The following FARS2 variants were observed in gnomAD, a reference collection of about 807,000 sequenced individuals.
The protein encoded by FARS2 is phenylalanine--tRNA ligase, mitochondrial.
Under a neutral mutation model 46.4 loss-of-function variants are expected in FARS2, and 40 were observed. The observed-to-expected ratio is 0.86, with a 90% CI of 0.67 to 1.12. The LOEUF is 1.12. FARS2 is among the 50% of genes most tolerant of loss of function. FARS2 has a pLI of 0.00. For missense variants in FARS2, 513 were observed against 567.9 expected (o/e 0.90, Z 0.98); for synonymous variants, 234 against 214.9 (o/e 1.09, Z -0.78).
At chr6:5,274,922 G>C (rs1766230158) in intron 1 of FARS2, among the ~76,000 whole-genome samples, 1 of 152,120 alleles carries the variant, frequency 6.6e-6, no homozygotes, top group African/African-American at 2.4e-5. Context: ...TTGCTCTGTT[G>C]CCCAGGCTAG....
intron 5 of FARS2, among the ~76,000 whole-genome samples, chr6:5,596,597 G>A (rs1194649866): frequency 2.0e-5 from 3 of 152,274 alleles, no homozygotes; most frequent in East Asian, 1.9e-4. Flanking sequence ...TAGCCTCAGC[G>A]ACATTGCATA....
intron 4 of FARS2, among the ~76,000 whole-genome samples, chr6:5,499,977 G>A (rs749702791): frequency 6.6e-6 from 1 of 152,112 alleles, no homozygotes; most frequent in African/African-American, 2.4e-5. Context: ...AATACAAGGG[G>A]CATCTGAAAT....
At chr6:5,678,458 G>T (rs979247779) in intron 6 of FARS2, among the ~76,000 whole-genome samples, 3 of 152,282 alleles carry the variant, frequency 2.0e-5, no homozygotes, top group African/African-American at 7.2e-5. Context: ...AGCCCCTCAG[G>T]CCATGGCTTC....
chr6:5,344,090 CAG>C (rs1453767513), intron 1 of FARS2, among the ~76,000 whole-genome samples: 3 of 152,176 alleles, frequency 2.0e-5, no homozygotes, highest in Admixed American at 2.0e-4. Flanking sequence ...CCGAACGACA[CAG>C]AAGTCACTGC....
Position 5,630,580 on chromosome 6 carries a change from G to T in FARS2, c.1217+17260G>T, listed in dbSNP as rs530612399. On this transcript the variant is annotated intron_variant, in intron 6 of 6. Coordinates refer to ENST00000274680, the MANE Select transcript of FARS2 (RefSeq NM_006567.5). This position sits in a 1 kb window ranked among gnomAD's most constrained non-coding sequence, Gnocchi z 4.2. ...CTTCATACTTATGTGTCTGGTAATA[G>T]GCATTTGAAATAATACTGCAGGGAA... 6.6e-6 allele frequency among the ~76,000 whole-genome samples: 1 copy of T among 152,194 alleles called. No homozygotes were observed. The highest frequency in any genetic ancestry group is 1.5e-5 in the Non-Finnish European group (1 of 68,042).
chr6:5,318,733 A>G (rs1300883264), intron 1 of FARS2, among the ~76,000 whole-genome samples: 1 of 152,158 alleles, frequency 6.6e-6, no homozygotes, highest in Admixed American at 6.5e-5. Flanking sequence ...CACTCTATGC[A>G]AATGAAGTAG....
intron 1 of FARS2, among the ~76,000 whole-genome samples, chr6:5,268,439 A>G (rs753924041): frequency 6.6e-5 from 10 of 152,212 alleles, no homozygotes; most frequent in Non-Finnish European, 1.2e-4. Context: ...CAGTTTTCCC[A>G]GCACCATTTA....
intron 2 of FARS2, among the ~76,000 whole-genome samples, chr6:5,372,568 A>G (rs968143036): frequency 4.6e-5 from 7 of 152,194 alleles, no homozygotes; most frequent in African/African-American, 1.7e-4. Flanking sequence ...AAGCAATAAG[A>G]AAGTATAATA....
intron 6 of FARS2, among the ~76,000 whole-genome samples, chr6:5,710,547 C>T (rs1311537220): frequency 2.0e-5 from 3 of 152,098 alleles, no homozygotes; most frequent in Non-Finnish European, 4.4e-5. Flanking sequence ...CCTGCGGCTT[C>T]CCCCGCTCAC....
intron 4 of FARS2, among the ~76,000 whole-genome samples, chr6:5,463,084 G>A (rs1388950490): frequency 4.6e-5 from 7 of 152,178 alleles, no homozygotes; most frequent in South Asian, 2.1e-4. Context: ...AACTATTTAC[G>A]AAAGCTGGAG....
intron 1 of FARS2, among the ~76,000 whole-genome samples, chr6:5,295,003 C>T (rs1371373508): frequency 6.6e-6 from 1 of 152,126 alleles, no homozygotes; most frequent in Non-Finnish European, 1.5e-5. Flanking sequence ...CCTAAAACAC[C>T]CAACATGGCC....
chr6:5,437,640 T>G (rs2127780912), intron 4 of FARS2, among the ~76,000 whole-genome samples: 1 of 152,192 alleles, frequency 6.6e-6, no homozygotes, highest in East Asian at 1.9e-4. Context: ...TCTGTTTCAT[T>G]TATATTACAA....
intron 2 of FARS2, among the ~76,000 whole-genome samples, chr6:5,372,752 C>T (rs1345332780): frequency 6.6e-6 from 1 of 151,954 alleles, no homozygotes; most frequent in Admixed American, 6.6e-5. Context: ...CTTGGTATTC[C>T]CCACCTAAGC....
intron 6 of FARS2, among the ~76,000 whole-genome samples, chr6:5,625,388 C>A (rs959067213): frequency 3.9e-5 from 6 of 152,280 alleles, no homozygotes; most frequent in Admixed American, 1.3e-4. Context: ...AGGCAGCTCC[C>A]ATGTCTCTTG....
chr6:5,559,958 C>T (rs1167764633), intron 5 of FARS2, among the ~76,000 whole-genome samples: 3 of 152,028 alleles, frequency 2.0e-5, no homozygotes, highest in Admixed American at 6.6e-5. Flanking sequence ...TGAAACTTGA[C>T]CCCATATTTA....
At chr6:5,280,492 TA>T (rs1766644610) in intron 1 of FARS2, among the ~76,000 whole-genome samples, 1 of 152,216 alleles carries the variant, frequency 6.6e-6, no homozygotes, top group Non-Finnish European at 1.5e-5. Flanking sequence ...GGGTGTCAGT[TA>T]AATGCTTTGC....
chr6:5,283,351 C>T (rs1581687576), intron 1 of FARS2, among the ~76,000 whole-genome samples: 2 of 104,908 alleles, frequency 1.9e-5, no homozygotes, highest in East Asian at 2.6e-4. Context: ...CCAGCCTGTG[C>T]AACAAAAGTG....
At chr6:5,315,452 A>G (rs974506310) in intron 1 of FARS2, among the ~76,000 whole-genome samples, 1 of 152,244 alleles carries the variant, frequency 6.6e-6, no homozygotes, top group Admixed American at 6.5e-5. Context: ...TTCTAAAGTC[A>G]TAAACTGTAA....
intron 6 of FARS2, among the ~76,000 whole-genome samples, chr6:5,760,545 A>G (rs925187806): frequency 5.9e-5 from 9 of 152,182 alleles, no homozygotes; most frequent in African/African-American, 2.2e-4. Context: ...TCCTGGGTCC[A>G]GTTTTTCCTG....
Sources: gnomAD v4.1 joint callset for allele counts (sites outside exome capture counted in the v4.1 genomes callset) on GRCh38, gnomAD v4.1.1 for gene constraint, Gnocchi (gnomAD v3.1) non-coding constraint, MANE v1.5 for transcripts, NCBI Gene and HGNC (gene_info 2026-07-23, HGNC 2026-07-21) for gene names.